The following ADGRL3 variants were observed in gnomAD, a reference collection of about 807,000 sequenced individuals.
The protein encoded by ADGRL3 is adhesion G protein-coupled receptor L3, also known as calcium-independent alpha-latrotoxin receptor 3.
Under a neutral mutation model 153.5 loss-of-function variants are expected in ADGRL3, and 62 were observed. The observed-to-expected ratio is 0.40, with a 90% CI of 0.33 to 0.50. The LOEUF (loss-of-function observed/expected upper bound fraction) is 0.50, where lower values mean the gene tolerates loss of function less well. Ranked by LOEUF, ADGRL3 falls within the 20% of genes least tolerant of loss-of-function variation. The pLI, the probability that ADGRL3 is intolerant of heterozygous loss-of-function variation, is 0.47. For missense variants in ADGRL3, 1,641 were observed against 1,859.4 expected, an observed-to-expected ratio of 0.88 and a Z score of 2.16; for synonymous variants, 710 against 672.5, an observed-to-expected ratio of 1.06 and a Z score of -0.86.
At chr4:61,779,267 A>G (rs1344482026) in intron 8 of ADGRL3, among the ~76,000 whole-genome samples, 2 of 152,076 alleles carry the variant, frequency 1.3e-5, no homozygotes, top group Non-Finnish European at 2.9e-5. Context: ...GGACTGTTAC[A>G]AAGAAAAATT....
At position 61,991,586 on chromosome 4, in the gene ADGRL3, C is replaced by A. The variant is rs1222601109; in HGVS notation, c.3237-4705C>A. On this transcript the variant is annotated intron_variant, in intron 19 of 26. Transcript: ENST00000683033. ...TCTAAGATCCAAAACTGTAGCAGAA[C>A]CTCAAATGCTAGTCTTGACCACCAC... Among the ~76,000 whole-genome samples the A allele has an allele frequency of 2.0e-5, 3 of 152,030 alleles. No homozygotes were observed. In the South Asian group the frequency reaches 6.2e-4, roughly 32 times the overall value.
At chr4:61,660,924 T>C (rs2150570431) in intron 5 of ADGRL3, among the ~76,000 whole-genome samples, 1 of 152,246 alleles carries the variant, frequency 6.6e-6, no homozygotes, top group Admixed American at 6.5e-5. Context: ...GTTTTGTTTA[T>C]ACCTTTTCAA....
At chr4:61,892,411 C>T (rs75540971) in intron 9 of ADGRL3, among the ~76,000 whole-genome samples, 15,861 of 151,952 alleles carry the variant, frequency 0.1, 876 homozygotes, top group Non-Finnish European at 0.12. Context: ...ATTTGAGTTT[C>T]GAAGAACCCT....
chr4:61,432,573 CCTTTCTTTCTT>C (rs2097370696), intron 2 of ADGRL3, among the ~76,000 whole-genome samples: 1 of 35,864 alleles, frequency 2.8e-5, no homozygotes, highest in African/African-American at 7.7e-5. Context: ...TCTTTCTCTT[CCTTTCTTTCTT>C]TCTTTCTTTC....
At chr4:61,781,059 G>A (rs1295671240) in intron 8 of ADGRL3, among the ~76,000 whole-genome samples, 1 of 152,124 alleles carries the variant, frequency 6.6e-6, no homozygotes. Flanking sequence ...GGGCATGGTG[G>A]CTCACGCCTG....
At chr4:61,958,273 A>G (rs2098974940) in intron 17 of ADGRL3, among the ~76,000 whole-genome samples, 1 of 152,188 alleles carries the variant, frequency 6.6e-6, no homozygotes, top group South Asian at 2.1e-4. Context: ...AAACCATGTT[A>G]TATGGTATAA....
intron 1 of ADGRL3, among the ~76,000 whole-genome samples, chr4:61,361,978 A>G (rs944631583): frequency 6.7e-6 from 1 of 148,956 alleles, no homozygotes; most frequent in Non-Finnish European, 1.5e-5. Flanking sequence ...ATAATCATAT[A>G]TATAAAAATA....
At chr4:61,919,142 T>G (rs1479828647) in intron 13 of ADGRL3, among the ~76,000 whole-genome samples, 1 of 152,310 alleles carries the variant, frequency 6.6e-6, no homozygotes, top group Non-Finnish European at 1.5e-5. Flanking sequence ...CTTGTTAAAG[T>G]GGCTAGAATA....
At chr4:61,308,397 G>C (rs141576072) in intron 1 of ADGRL3, among the ~76,000 whole-genome samples, 42 of 152,280 alleles carry the variant, frequency 2.8e-4, no homozygotes, top group African/African-American at 9.4e-4. Flanking sequence ...TATCCTCCCT[G>C]TATTAATTGT....
intron 1 of ADGRL3, among the ~76,000 whole-genome samples, chr4:61,284,489 T>C (rs1253124902): frequency 6.6e-6 from 1 of 151,952 alleles, no homozygotes; most frequent in African/African-American, 2.4e-5. Flanking sequence ...CAGAAAATTA[T>C]ATGACAAATT....
At chr4:61,414,943 T>C (rs1189784150) in intron 2 of ADGRL3, among the ~76,000 whole-genome samples, 1 of 152,010 alleles carries the variant, frequency 6.6e-6, no homozygotes, top group African/African-American at 2.4e-5. Flanking sequence ...TATTATCTAT[T>C]TACTCTGCAT....
chr4:61,934,115 G>T (rs541065117), intron 13 of ADGRL3, among the ~76,000 whole-genome samples: 10 of 152,260 alleles, frequency 6.6e-5, no homozygotes, highest in Admixed American at 2.6e-4. Context: ...GAAGCAATGA[G>T]AATTGTAGTG....
At chr4:61,973,447 T>C (rs1013561238) in intron 17 of ADGRL3, among the ~76,000 whole-genome samples, 2 of 152,080 alleles carry the variant, frequency 1.3e-5, no homozygotes, top group African/African-American at 4.8e-5. Flanking sequence ...AATCAGAAGC[T>C]TCATGTAAGT....
chr4:61,497,062 A>G (rs553893144), intron 2 of ADGRL3, 59 bp from the exon 3 acceptor site: 1 of 501,170 alleles, frequency 2.0e-6, no homozygotes, highest in East Asian at 3.7e-5. Context: ...TGTATAAATA[A>G]TGTCTTTGGA....
intron 5 of ADGRL3, among the ~76,000 whole-genome samples, chr4:61,609,811 C>A (rs1228628030): frequency 6.6e-6 from 1 of 151,936 alleles, no homozygotes. Flanking sequence ...TTTAAAATGG[C>A]CTGTGAGCAG....
intron 8 of ADGRL3, among the ~76,000 whole-genome samples, chr4:61,781,036 T>G (rs1441126559): frequency 6.6e-6 from 1 of 151,886 alleles, no homozygotes; most frequent in Non-Finnish European, 1.5e-5. Flanking sequence ...TGCATGAAAA[T>G]GTTGTCTCAG....
intron 5 of ADGRL3, among the ~76,000 whole-genome samples, chr4:61,612,691 C>T (rs543200814): frequency 2.0e-5 from 3 of 152,032 alleles, no homozygotes; most frequent in South Asian, 2.1e-4. Flanking sequence ...TTGCTAAAAC[C>T]AAAAGTGATG....
intron 8 of ADGRL3, among the ~76,000 whole-genome samples, chr4:61,791,933 G>A (rs1005868463): frequency 3.3e-5 from 5 of 152,100 alleles, no homozygotes; most frequent in South Asian, 4.1e-4. Flanking sequence ...CCCTGGGCCC[G>A]GCCCATGAAA....
At chr4:61,935,810 A>C in intron 14 of ADGRL3, 113 bp from the exon 15 acceptor site, 1 of 963,664 alleles carries the variant, frequency 1.0e-6, no homozygotes, top group Non-Finnish European at 1.5e-6. Flanking sequence ...AAGCATGACA[A>C]ATAGAATAAG....
Sources: allele counts gnomAD v4.1 joint callset (sites outside exome capture counted in the v4.1 genomes callset), GRCh38; gene constraint gnomAD v4.1.1; transcripts MANE v1.5; gene names NCBI Gene and HGNC (gene_info 2026-07-23, HGNC 2026-07-21).